The following CACNA2D3 variants were observed in gnomAD, a reference collection of about 807,000 sequenced individuals.
CACNA2D3 encodes the protein voltage-dependent calcium channel subunit alpha-2/delta-3.
Under a neutral mutation model 160.6 loss-of-function variants are expected in CACNA2D3, and 60 were observed. That is an observed-to-expected ratio of 0.37 (90% CI 0.30 to 0.46). The LOEUF is 0.46. Ranked by LOEUF, CACNA2D3 falls within the 20% of genes least tolerant of loss-of-function variation. The pLI, the probability that CACNA2D3 is intolerant of heterozygous loss-of-function variation, is 1.00. For missense variants in CACNA2D3, 1,205 were observed against 1,365.0 expected, an observed-to-expected ratio of 0.88 and a Z score of 1.85; for synonymous variants, 558 against 492.9, an observed-to-expected ratio of 1.13 and a Z score of -1.75.
At chr3:54,763,849 A>C (rs1427232807) in intron 12 of CACNA2D3, among the ~76,000 whole-genome samples, 2 of 34,086 alleles carry the variant, frequency 5.9e-5, no homozygotes, top group Non-Finnish European at 1.3e-4. Flanking sequence ...ATATATGTAC[A>C]TATATATACA....
At chr3:54,852,875 T>G (rs191434108) in intron 17 of CACNA2D3, among the ~76,000 whole-genome samples, 1 of 152,300 alleles carries the variant, frequency 6.6e-6, no homozygotes, top group African/African-American at 2.4e-5. Context: ...ACTTCTAGAA[T>G]CCAGCTGACT....
At chr3:54,282,383 T>C (rs1032152353) in intron 2 of CACNA2D3, among the ~76,000 whole-genome samples, 1 of 152,222 alleles carries the variant, frequency 6.6e-6, no homozygotes, top group Non-Finnish European at 1.5e-5. Context: ...TAAGAGGCCC[T>C]TGGATAGTAG....
chr3:54,583,712 T>G (rs1471397744), intron 9 of CACNA2D3, among the ~76,000 whole-genome samples: 1 of 152,184 alleles, frequency 6.6e-6, no homozygotes, highest in Non-Finnish European at 1.5e-5. Context: ...GAGAATTTCA[T>G]ATTTTGGATC....
intron 4 of CACNA2D3, among the ~76,000 whole-genome samples, chr3:54,466,064 ATC>A (rs1289896946): frequency 6.6e-6 from 1 of 152,080 alleles, no homozygotes; most frequent in Admixed American, 6.5e-5. Context: ...TGTGTTTTGA[ATC>A]TCTCTGACTT....
chr3:54,376,815 C>T (rs1217109993), intron 3 of CACNA2D3, among the ~76,000 whole-genome samples: 2 of 152,112 alleles, frequency 1.3e-5, no homozygotes, highest in Non-Finnish European at 2.9e-5. Context: ...TGTTGGACCT[C>T]GGGGCTGTTC....
intron 2 of CACNA2D3, among the ~76,000 whole-genome samples, chr3:54,129,776 G>C (rs553823204): frequency 6.6e-6 from 1 of 152,302 alleles, no homozygotes; most frequent in East Asian, 1.9e-4. Context: ...ACAACTGCCA[G>C]TTGATATTTG....
chr3:54,173,568 G>T (rs1488949206), intron 2 of CACNA2D3, among the ~76,000 whole-genome samples: 1 of 152,186 alleles, frequency 6.6e-6, no homozygotes, highest in Non-Finnish European at 1.5e-5. Context: ...GAAGCAAGTT[G>T]TTATGGAAAC....
chr3:54,269,315 T>A (rs1407177479), intron 2 of CACNA2D3, among the ~76,000 whole-genome samples: 2 of 152,056 alleles, frequency 1.3e-5, no homozygotes, highest in Non-Finnish European at 2.9e-5. Flanking sequence ...CTTTTATGAT[T>A]TAGCATTTCT....
chr3:54,776,527 A>AG (rs1483620253), intron 13 of CACNA2D3, among the ~76,000 whole-genome samples: 1 of 152,178 alleles, frequency 6.6e-6, no homozygotes, highest in Non-Finnish European at 1.5e-5. Context: ...ATTTAAAAAA[A>AG]CAAAACAGCA....
intron 2 of CACNA2D3, among the ~76,000 whole-genome samples, chr3:54,205,595 A>C (rs56343815): frequency 0.18 from 27,066 of 152,124 alleles, 2,834 homozygotes; most frequent in East Asian, 0.39. Context: ...TGAGAGCTAA[A>C]CCTTCATTTA....
chr3:54,821,325 C>T (rs976945919), intron 14 of CACNA2D3, among the ~76,000 whole-genome samples: 1 of 152,144 alleles, frequency 6.6e-6, no homozygotes, highest in Non-Finnish European at 1.5e-5. Flanking sequence ...TTTAATAGCC[C>T]GACTGCGTGT....
intron 2 of CACNA2D3, among the ~76,000 whole-genome samples, chr3:54,211,246 C>T (rs897355351): frequency 3.9e-5 from 6 of 151,980 alleles, no homozygotes; most frequent in Non-Finnish European, 8.8e-5. Flanking sequence ...TTTAAGAATA[C>T]ATTTTGGAAG....
At chr3:54,344,386 A>C (rs1698418390) in intron 3 of CACNA2D3, among the ~76,000 whole-genome samples, 1 of 152,150 alleles carries the variant, frequency 6.6e-6, no homozygotes, top group Admixed American at 6.5e-5. Flanking sequence ...TTGGTGATTG[A>C]ATGAGGGAGG....
chr3:54,480,620 C>T (rs1043318247), intron 4 of CACNA2D3, among the ~76,000 whole-genome samples: 1 of 151,950 alleles, frequency 6.6e-6, no homozygotes, highest in Non-Finnish European at 1.5e-5. Flanking sequence ...GAAAAATGGG[C>T]CTTTCTGTAA....
intron 4 of CACNA2D3, among the ~76,000 whole-genome samples, chr3:54,480,431 G>A (rs1419458431): frequency 2.6e-5 from 4 of 152,024 alleles, no homozygotes; most frequent in Admixed American, 6.6e-5. Context: ...AGATCACTTC[G>A]TTGTGTTTTC....
At chr3:54,425,847 T>C (rs762397486) in intron 4 of CACNA2D3, among the ~76,000 whole-genome samples, 2 of 152,218 alleles carry the variant, frequency 1.3e-5, no homozygotes, top group Non-Finnish European at 2.9e-5. Context: ...ACTAAAGCTT[T>C]TGGAGGTCTG....
intron 4 of CACNA2D3, among the ~76,000 whole-genome samples, chr3:54,444,526 T>C (rs1700191251): frequency 6.6e-6 from 1 of 152,228 alleles, no homozygotes; most frequent in African/African-American, 2.4e-5. Flanking sequence ...TTTCATAAAC[T>C]GCTCTATTTT....
intron 2 of CACNA2D3, among the ~76,000 whole-genome samples, chr3:54,225,840 A>G (rs1701660628): frequency 6.6e-6 from 1 of 151,538 alleles, no homozygotes; most frequent in East Asian, 1.9e-4. Context: ...AGTGGTGGAC[A>G]TTGTACTTGG....
intron 25 of CACNA2D3, among the ~76,000 whole-genome samples, chr3:54,895,703 C>G (rs1240707118): frequency 3.9e-5 from 6 of 152,190 alleles, no homozygotes; most frequent in Non-Finnish European, 8.8e-5. Flanking sequence ...TGATTGGTCT[C>G]CCTTCCAGAA....
Sources: allele counts gnomAD v4.1 joint callset (sites outside exome capture counted in the v4.1 genomes callset), GRCh38; gene constraint gnomAD v4.1.1; transcripts MANE v1.5; gene names NCBI Gene and HGNC (gene_info 2026-07-23, HGNC 2026-07-21).